TM9SF2: variants seen among roughly 807,000 people sequenced by gnomAD.
TM9SF2 encodes the protein 76 kDa membrane protein.
Under a neutral mutation model 84.9 loss-of-function variants are expected in TM9SF2, and 13 were observed. The ratio of observed to expected loss-of-function variants is 0.15; its 90% CI spans 0.10 to 0.24. The LOEUF (loss-of-function observed/expected upper bound fraction) is 0.24, where lower values mean the gene tolerates loss of function less well. Among genes scored for constraint, TM9SF2 ranks in the 10% least tolerant of loss-of-function variants. TM9SF2 has a pLI of 1.00. For missense variants in TM9SF2, 562 were observed against 818.5 expected, an observed-to-expected ratio of 0.69 and a Z score of 3.82; for synonymous variants, 273 against 285.8, an observed-to-expected ratio of 0.96 and a Z score of 0.45.
chr13:99,543,171 C>T (rs973431192), intron 9 of TM9SF2, among the ~76,000 whole-genome samples: 16 of 152,190 alleles, frequency 1.1e-4, no homozygotes, highest in Admixed American at 7.2e-4. Flanking sequence ...CCGATCTTTA[C>T]AAAATGTGAT....
In TM9SF2 at chr13:99,536,727, G is replaced by C. The variant is rs753308559; in HGVS notation, c.581G>C (p.Cys194Ser). Reference sequence around the variant, plus strand: ...GATAAAGGCCATGCAAAAGATGCCTGTGTTATTAGTGTAAGTTCATGATAA... The same window carrying C: ...GATAAAGGCCATGCAAAAGATGCCTCTGTTATTAGTGTAAGTTCATGATAA... Reference protein sequence around the residue: ...ITDKGHAKDACVISSDFHERD... With the variant: ...ITDKGHAKDASVISSDFHERD... The change falls in exon 5 of 17, where the codon TGT (cysteine) becomes TCT (serine). Residue 194 changes from cysteine to serine, a missense_variant. Cys to Ser is a moderately radical substitution (Grantham distance 112). Coordinates refer to ENST00000376387, the MANE Select transcript of TM9SF2 (RefSeq NM_004800.3). 1 of 1,613,288 alleles carries C rather than the reference G, an allele frequency of 6.2e-7. No homozygotes were observed. Among genetic ancestry groups the C allele is most frequent in the Non-Finnish European group, 8.5e-7 (1 of 1,179,564 alleles).
rs200258939 is a variant in TM9SF2, at chr13:99,547,076, A to G, written c.1242A>G (p.Ala414=). The change falls in exon 11 of 17, where the codon GCA becomes GCG. Residue 414 remains alanine, a synonymous_variant. Coordinates refer to ENST00000376387, the MANE Select transcript of TM9SF2 (RefSeq NM_004800.3). ...TGTGGGTGCTGCTGGGCACCCCTGCAGGCTATGTTGCTGCCAGATTCTATA... is the reference window on the plus strand; with the variant it reads ...TGTGGGTGCTGCTGGGCACCCCTGCGGGCTATGTTGCTGCCAGATTCTATA... ...VVLWVLLGTP[A]GYVAARFYKS... 3.8e-5 allele frequency: 62 copies of G among 1,614,182 alleles called. 1 individual carries two copies. In the African/African-American group the frequency reaches 4.0e-4, roughly 10 times the overall value.
rs2046065088 is a variant in TM9SF2 at position 99,501,550 on chromosome 13, C to G, written c.-57C>G. On this transcript the variant is annotated 5_prime_UTR_variant, in exon 1 of 17. Transcript: ENST00000376387. ...TTGTAGTCGTCTCCGAGACTCCCCA[C>G]CCCTCCTTCCCTCTTGACCCCCTAG... 3 of 1,569,842 alleles carry G rather than the reference C, an allele frequency of 1.9e-6. No individual in the cohort carries two copies.
At chr13:99,548,781 T>C (rs756649126) in intron 11 of TM9SF2, among the ~76,000 whole-genome samples, 1 of 152,196 alleles carries the variant, frequency 6.6e-6, no homozygotes. Context: ...ACATCAGGCT[T>C]GACGGTTCCC....
At chr13:99,508,799 C>G (rs1387884638) in intron 1 of TM9SF2, among the ~76,000 whole-genome samples, 3 of 152,168 alleles carry the variant, frequency 2.0e-5, no homozygotes, top group Non-Finnish European at 4.4e-5. Flanking sequence ...ATGAGGGCAG[C>G]ACCAAGGGAG....
intron 15 of TM9SF2, among the ~76,000 whole-genome samples, chr13:99,557,889 G>T (rs746213976): frequency 2.7e-5 from 4 of 150,390 alleles, no homozygotes; most frequent in Non-Finnish European, 5.9e-5. Flanking sequence ...CCAAAAAAAA[G>T]AATTATTGCC....
intron 1 of TM9SF2, among the ~76,000 whole-genome samples, chr13:99,506,001 AATT>A (rs2046087314): frequency 6.6e-6 from 1 of 152,254 alleles, no homozygotes. Flanking sequence ...AAAAATGACC[AATT>A]ATACCCCCTA....
At chr13:99,504,324 A>C (rs2046079905) in intron 1 of TM9SF2, among the ~76,000 whole-genome samples, 1 of 152,198 alleles carries the variant, frequency 6.6e-6, no homozygotes, top group Admixed American at 6.5e-5. Flanking sequence ...GTGAATCTGA[A>C]GTTGGAGAAA....
chr13:99,511,088 T>C (rs1018747900), intron 1 of TM9SF2, among the ~76,000 whole-genome samples: 19 of 152,220 alleles, frequency 1.2e-4, no homozygotes, highest in Admixed American at 9.2e-4. Context: ...ATCTTTCTTA[T>C]TGTTTTTGTT....
At position 99,536,817 on chromosome 13, in the gene TM9SF2, T is replaced by G. The variant is rs1380680549; in HGVS notation, c.591+80T>G. The G allele has an allele frequency of 1.1e-5, 16 of 1,509,182 alleles. No homozygotes were observed. The South Asian group carries it at 1.2e-4, about 11-fold the overall frequency. 93.5% of individuals were successfully genotyped at this position (1,509,182 alleles called of 1,614,324 possible). A position where few individuals can be genotyped will look rare whatever the true frequency, so the allele number is the denominator to read the frequency against. On this transcript the variant is annotated intron_variant, in intron 5 of 16. Coordinates refer to ENST00000376387, the MANE Select transcript of TM9SF2 (RefSeq NM_004800.3). ...TCAGTCTTTACCTGGACAAAAATTG[T>G]TATATTCATTGAATGAGTGTACAGT...
intron 3 of TM9SF2, among the ~76,000 whole-genome samples, chr13:99,523,037 T>C (rs1010422295): frequency 5.9e-5 from 9 of 152,340 alleles, no homozygotes; most frequent in African/African-American, 2.2e-4. Flanking sequence ...ACAAATTCTC[T>C]AAGCCCCAAA....
At chr13:99,512,534 A>G (rs753986385) in intron 1 of TM9SF2, among the ~76,000 whole-genome samples, 3 of 152,194 alleles carry the variant, frequency 2.0e-5, no homozygotes, top group Non-Finnish European at 4.4e-5. Flanking sequence ...TAAGAAAATG[A>G]GGGAGGAAAG....
rs938499589 is a variant in TM9SF2, at chr13:99,559,309, C to T, written c.1753-54C>T. 5.7e-5 allele frequency: 83 copies of T among 1,462,244 alleles called. No individual in the cohort carries two copies. The Admixed American group carries it at 9.1e-4, about 16-fold the overall frequency. The allele number at this position is 1,462,244 out of a possible 1,614,324, so 90.6% of individuals were successfully genotyped here. ...GCTTGCTTTGAACCTTAGTAAGCTA[C>T]ATCTTATCTATTAATTGGAATGTAA... On this transcript the variant is annotated intron_variant, in intron 15 of 16. Coordinates refer to ENST00000376387, the MANE Select transcript of TM9SF2 (RefSeq NM_004800.3).
intron 9 of TM9SF2, 24 bp from the exon 10 acceptor site, chr13:99,543,839 G>C: frequency 6.2e-7 from 1 of 1,611,760 alleles, no homozygotes; most frequent in Non-Finnish European, 8.5e-7. Flanking sequence ...TGAGACAATC[G>C]AACTGATTTC....
intron 1 of TM9SF2, among the ~76,000 whole-genome samples, chr13:99,503,697 G>A (rs187473785): frequency 3.2e-4 from 42 of 130,614 alleles, no homozygotes; most frequent in African/African-American, 1.2e-3. Flanking sequence ...GCAACAGAGC[G>A]AGACTTTGTC....
chr13:99,519,827 GA>G (rs983494103), intron 2 of TM9SF2, among the ~76,000 whole-genome samples: 33 of 152,152 alleles, frequency 2.2e-4, no homozygotes, highest in Admixed American at 1.4e-3. Flanking sequence ...ATGTTATTTA[GA>G]AAAAAATATT....
At chr13:99,556,653 A>T (rs1594062646) in intron 15 of TM9SF2, among the ~76,000 whole-genome samples, 1 of 144,998 alleles carries the variant, frequency 6.9e-6, no homozygotes, top group African/African-American at 2.6e-5. Context: ...GTGCAATCTC[A>T]GCTCACTGCA....
chr13:99,516,478 G>A (rs142304683), intron 1 of TM9SF2, among the ~76,000 whole-genome samples: 18 of 152,320 alleles, frequency 1.2e-4, no homozygotes, highest in African/African-American at 4.3e-4. Context: ...AGGTACTTCA[G>A]GGCACACGTG....
At chr13:99,543,423 A>G (rs1380424953) in intron 9 of TM9SF2, among the ~76,000 whole-genome samples, 1 of 152,214 alleles carries the variant, frequency 6.6e-6, no homozygotes, top group Non-Finnish European at 1.5e-5. Context: ...TTGGTGCTCA[A>G]TGAATGTTTA....
Sources: allele counts gnomAD v4.1 joint callset (sites outside exome capture counted in the v4.1 genomes callset), GRCh38; gene constraint gnomAD v4.1.1; transcripts MANE v1.5; gene names NCBI Gene and HGNC (gene_info 2026-07-23, HGNC 2026-07-21).